The following ASTN2 variants were observed in gnomAD, a reference collection of about 807,000 sequenced individuals.
ASTN2 encodes astrotactin-2.
A neutral mutation model predicts 139.8 loss-of-function variants in ASTN2; 54 were observed. The ratio of observed to expected loss-of-function variants is 0.39; its 90% confidence interval spans 0.31 to 0.48. The LOEUF is 0.48. Ranked by LOEUF, ASTN2 falls within the 20% of genes least tolerant of loss-of-function variation. The pLI is 0.95. For synonymous variants in ASTN2, 756 were observed against 719.5 expected (o/e 1.05, Z -0.81); for missense variants, 1,565 against 1,725.1 (o/e 0.91, Z 1.64).
chr9:117,375,557 A>T lies in ASTN2; in HGVS notation c.442+38940T>A, dbSNP rs147593009. Among the ~76,000 whole-genome samples the T allele has an allele frequency of 4.5e-3, 685 of 152,352 alleles. 6 individuals are homozygous for T. The highest frequency in any genetic ancestry group is 0.016 in the African/African-American group (650 of 41,588). ...AGTCCTCATAAATCCTATTAGAGTC[A>T]TCATTAACCACGTATTGCACGTGAG... On this transcript the variant is annotated intron_variant, in intron 1 of 22. Transcript: ENST00000313400.
chr9:117,218,444 A>G (rs1426125068), intron 2 of ASTN2, among the ~76,000 whole-genome samples: 1 of 152,208 alleles, frequency 6.6e-6, no homozygotes, highest in Non-Finnish European at 1.5e-5. Context: ...GCAGATTTCC[A>G]GTATTCTGGG....
chr9:116,553,191 C>G (rs562627655), intron 19 of ASTN2, among the ~76,000 whole-genome samples: 9 of 152,012 alleles, frequency 5.9e-5, no homozygotes, highest in African/African-American at 2.2e-4. Context: ...GACCTGCAGA[C>G]GTGCCAGGGA....
chr9:117,168,269 T>C (rs1366536213), intron 3 of ASTN2, among the ~76,000 whole-genome samples: 1 of 152,160 alleles, frequency 6.6e-6, no homozygotes, highest in Non-Finnish European at 1.5e-5. Context: ...ATTATGAGTG[T>C]GTGAATGCTT....
At chr9:116,784,022 A>G (rs1450880937) in intron 13 of ASTN2, among the ~76,000 whole-genome samples, 2 of 152,204 alleles carry the variant, frequency 1.3e-5, no homozygotes, top group Non-Finnish European at 2.9e-5. Flanking sequence ...TTTCACAGGT[A>G]TTTCAGAGAA....
At chr9:117,246,458 C>G (rs1833385810) in intron 2 of ASTN2, among the ~76,000 whole-genome samples, 1 of 152,178 alleles carries the variant, frequency 6.6e-6, no homozygotes, top group Non-Finnish European at 1.5e-5. Flanking sequence ...TCAGTGTCCT[C>G]TCTGTACAAT....
intron 17 of ASTN2, among the ~76,000 whole-genome samples, chr9:116,633,407 G>A (rs1014745254): frequency 1.3e-5 from 2 of 152,158 alleles, no homozygotes; most frequent in Non-Finnish European, 2.9e-5. Context: ...AAACCTGGCT[G>A]GAACTCACAT....
intron 19 of ASTN2, among the ~76,000 whole-genome samples, chr9:116,609,295 G>A (rs2131790028): frequency 1.1e-5 from 1 of 87,812 alleles, no homozygotes; most frequent in South Asian, 4.2e-4. Context: ...CAGAAAAAAG[G>A]ATCTCTCTCT....
chr9:116,710,698 A>T (rs1217051423), intron 16 of ASTN2, among the ~76,000 whole-genome samples: 1 of 134,828 alleles, frequency 7.4e-6, no homozygotes, highest in Non-Finnish European at 1.5e-5. Context: ...ACACCATTGC[A>T]CTCCAGCCTG....
intron 19 of ASTN2, among the ~76,000 whole-genome samples, chr9:116,499,238 G>T (rs1849773703): frequency 6.6e-6 from 1 of 152,106 alleles, no homozygotes; most frequent in South Asian, 2.1e-4. Flanking sequence ...TAGAAGCCTT[G>T]TCCATGTTGT....
At chr9:117,266,726 T>C (rs1833946201) in intron 2 of ASTN2, among the ~76,000 whole-genome samples, 1 of 152,224 alleles carries the variant, frequency 6.6e-6, no homozygotes, top group Non-Finnish European at 1.5e-5. Context: ...ATCACTTTTC[T>C]CCACTAGGGT....
chr9:116,637,750 A>T (rs1379095749), intron 17 of ASTN2, among the ~76,000 whole-genome samples: 1 of 152,194 alleles, frequency 6.6e-6, no homozygotes, highest in Non-Finnish European at 1.5e-5. Flanking sequence ...ACAAGCCTGG[A>T]AAACATGGCA....
At chr9:116,999,606 C>A (rs566454681) in intron 7 of ASTN2, among the ~76,000 whole-genome samples, 2 of 118,890 alleles carry the variant, frequency 1.7e-5, no homozygotes, top group African/African-American at 6.8e-5. Context: ...GTCACCCAGG[C>A]TGGAGTGCAC....
intron 6 of ASTN2, among the ~76,000 whole-genome samples, chr9:117,011,067 GTC>G (rs1286835397): frequency 3.3e-5 from 5 of 152,188 alleles, no homozygotes; most frequent in Non-Finnish European, 4.4e-5. Context: ...GCATCATGAT[GTC>G]CACTACAAGC....
chr9:116,790,140 G>A (rs1830492171), intron 13 of ASTN2, among the ~76,000 whole-genome samples: 1 of 151,920 alleles, frequency 6.6e-6, no homozygotes, highest in Non-Finnish European at 1.5e-5. Context: ...TGGCCAGGCT[G>A]GTCTTGAACT....
chr9:117,212,391 A>G lies in ASTN2; in HGVS notation c.1015+1967T>C, dbSNP rs80237039. On this transcript the variant is annotated intron_variant, in intron 3 of 22. Transcript: ENST00000313400. ...AGACCTTAAAAGCACAGGCAAAGAA[A>G]AAAAAAGCAAAAGTAGACAAGATTA... Among the ~76,000 whole-genome samples, 477 of 152,284 alleles carry G rather than the reference A, an allele frequency of 3.1e-3. 1 individual carries two copies. The highest frequency in any genetic ancestry group is 5.2e-3 in the Non-Finnish European group (352 of 67,998).
chr9:116,481,959 T>A (rs1370363964), intron 20 of ASTN2, among the ~76,000 whole-genome samples: 1 of 152,160 alleles, frequency 6.6e-6, no homozygotes, highest in African/African-American at 2.4e-5. Context: ...CTCCTTCTCA[T>A]TATGTGACAT....
chr9:116,731,715 C>T (rs530908943), intron 14 of ASTN2, among the ~76,000 whole-genome samples: 195 of 152,296 alleles, frequency 1.3e-3, no homozygotes, highest in African/African-American at 4.2e-3. Context: ...TGAGCCACTG[C>T]GCCCGGCCCA....
intron 17 of ASTN2, among the ~76,000 whole-genome samples, chr9:116,643,240 A>G (rs115162887): frequency 0.043 from 6,542 of 152,240 alleles, 497 homozygotes; most frequent in African/African-American, 0.15. Context: ...CTTCTATTCT[A>G]CATGCTCAGC....
intron 10 of ASTN2, among the ~76,000 whole-genome samples, chr9:116,959,155 C>T (rs1378641283): frequency 2.0e-5 from 3 of 151,976 alleles, no homozygotes; most frequent in Non-Finnish European, 4.4e-5. Flanking sequence ...CAGAACATGA[C>T]GACAAAGGAG....
Sources: gnomAD v4.1 joint callset for allele counts (sites outside exome capture counted in the v4.1 genomes callset) on GRCh38, gnomAD v4.1.1 for gene constraint, MANE v1.5 for transcripts, NCBI Gene and HGNC (gene_info 2026-07-23, HGNC 2026-07-21) for gene names.